Variants in BLOC1S3 observed in about 807,000 individuals in gnomAD.
BLOC1S3 encodes biogenesis of lysosomal organelles complex 1 subunit 3, also known as biogenesis of lysosome-related organelles complex 1 subunit 3.
In BLOC1S3, 7 loss-of-function variants were observed where a neutral mutation model predicts 9.1. The observed-to-expected ratio is 0.77, with a 90% CI of 0.44 to 1.45. The LOEUF (loss-of-function observed/expected upper bound fraction) is 1.45, where lower values mean the gene tolerates loss of function less well. Ranked by LOEUF, BLOC1S3 falls within the 40% of genes most tolerant of loss-of-function variation. The pLI is 0.01. For missense variants in BLOC1S3, 307 were observed against 315.2 expected (o/e 0.97, Z 0.20); for synonymous variants, 145 against 158.4 (o/e 0.92, Z 0.64).
At chr19:45,208,998 GGAGT>G (rs1200494508) in intron 3 of BLOC1S3, among the ~76,000 whole-genome samples, 7 of 152,144 alleles carry the variant, frequency 4.6e-5, no homozygotes, top group African/African-American at 1.7e-4. Flanking sequence ...TCAGTTAGGA[GGAGT>G]AAGTTCAGGA....
downstream of BLOC1S3, among the ~76,000 whole-genome samples, chr19:45,183,962 G>A (rs868238500): frequency 6.6e-6 from 1 of 152,052 alleles, no homozygotes; most frequent in African/African-American, 2.4e-5. Context: ...TGAGTTTAGC[G>A]AGAGTCCCTG....
chr19:45,185,991 T>G (rs1254341620), downstream of BLOC1S3, among the ~76,000 whole-genome samples: 1 of 152,088 alleles, frequency 6.6e-6, no homozygotes, highest in African/African-American at 2.4e-5. Flanking sequence ...TGTGCACCTG[T>G]AATTCCAGCT....
At chr19:45,213,364 G>C in intron 3 of BLOC1S3, 7 of 1,612,824 alleles carry the variant, frequency 4.3e-6, no homozygotes, top group Non-Finnish European at 5.9e-6. Context: ...CTGCCTGTGG[G>C]GAGAGGAACA....
At chr19:45,205,297 C>T (rs886931449) in intron 3 of BLOC1S3, among the ~76,000 whole-genome samples, 8 of 152,044 alleles carry the variant, frequency 5.3e-5, no homozygotes, top group Admixed American at 5.3e-4. Context: ...TCCCAAGTAG[C>T]TGGGATTACA....
downstream of BLOC1S3, among the ~76,000 whole-genome samples, chr19:45,184,903 CAAAAAAAAAAAAAAA>C (rs71338752): frequency 4.1e-5 from 2 of 48,284 alleles, no homozygotes; most frequent in African/African-American, 7.1e-5. Flanking sequence ...CTGTCTCAAA[CAAAAAAAAAAAAAAA>C]AAAAAAAAAA....
chr19:45,209,881 G>A (rs1433829163), intron 3 of BLOC1S3, among the ~76,000 whole-genome samples: 6 of 151,228 alleles, frequency 4.0e-5, no homozygotes, highest in Non-Finnish European at 8.8e-5. Context: ...ATAGGCATGC[G>A]CCACCACGCC....
downstream of BLOC1S3, among the ~76,000 whole-genome samples, chr19:45,182,528 GT>G (rs1423081644): frequency 6.6e-6 from 1 of 152,074 alleles, no homozygotes; most frequent in Non-Finnish European, 1.5e-5. Flanking sequence ...GCCAGGCGTG[GT>G]GGCACATGCC....
intron 3 of BLOC1S3, among the ~76,000 whole-genome samples, chr19:45,203,678 T>C (rs770804756): frequency 3.3e-5 from 5 of 152,168 alleles, no homozygotes; most frequent in East Asian, 1.9e-4. Flanking sequence ...CTAATGATCA[T>C]TTAAATGCTC....
At chr19:45,198,786 G>C (rs942232691) in intron 2 of BLOC1S3, 1 of 152,180 alleles carries the variant, frequency 6.6e-6, no homozygotes, top group Non-Finnish European at 1.5e-5. Flanking sequence ...GCACCTCCCA[G>C]GTTCAAGCGA....
chr19:45,214,374 G>A (rs976765392), intron 3 of BLOC1S3, among the ~76,000 whole-genome samples: 153 of 152,266 alleles, frequency 1.0e-3, no homozygotes, highest in African/African-American at 3.5e-3. Context: ...GCGTTGCTCC[G>A]GCAGCCACCA....
intron 2 of BLOC1S3, among the ~76,000 whole-genome samples, chr19:45,199,531 G>T (rs550245630): frequency 6.6e-6 from 1 of 151,848 alleles, no homozygotes; most frequent in African/African-American, 2.4e-5. Flanking sequence ...GGCCAGGATG[G>T]TCTCAAACTC....
At position 45,208,035 on chromosome 19, in the gene BLOC1S3, C is replaced by T. The variant is rs149937429; in HGVS notation, n.282+5528C>T. 9.2e-3 allele frequency among the ~76,000 whole-genome samples: 1,376 copies of T among 150,250 alleles called. 14 individuals carry two copies. Among genetic ancestry groups the T allele is most frequent in the Non-Finnish European group, 0.012 (807 of 67,712 alleles). Reference sequence around the variant, plus strand: ...TGTCACCCAGGCTGGAGTGCAGTGGCGAAATCTTGGCTCATCGCAACCTCT... The same window carrying T: ...TGTCACCCAGGCTGGAGTGCAGTGGTGAAATCTTGGCTCATCGCAACCTCT... On this transcript the variant is annotated intron_variant and non_coding_transcript_variant, in intron 3 of 3. Transcript: ENST00000591569.
chr19:45,202,065 C>T (rs2627645), intron 2 of BLOC1S3, among the ~76,000 whole-genome samples: 1 of 151,702 alleles, frequency 6.6e-6, no homozygotes, highest in Non-Finnish European at 1.5e-5. Flanking sequence ...CTACTAAAAA[C>T]TACAAAAAAT....
intron 2 of BLOC1S3, among the ~76,000 whole-genome samples, chr19:45,196,856 G>A (rs1200242348): frequency 1.3e-5 from 2 of 151,244 alleles, no homozygotes; most frequent in Non-Finnish European, 2.9e-5. Flanking sequence ...AGCCGAGATG[G>A]GGCCACTGCA....
intron 2 of BLOC1S3, among the ~76,000 whole-genome samples, chr19:45,201,933 G>T (rs2627646): frequency 9.3e-4 from 141 of 152,046 alleles, no homozygotes; most frequent in Non-Finnish European, 1.6e-3. Flanking sequence ...CATGTAAGAC[G>T]TGCCTTTTGG....
At chr19:45,183,306 C>A (rs1287179023), downstream of BLOC1S3, among the ~76,000 whole-genome samples, 1 of 151,912 alleles carries the variant, frequency 6.6e-6, no homozygotes, top group African/African-American at 2.4e-5. Context: ...GTGGTGAAAC[C>A]CTGTCTCTAC....
rs71173123 is a variant in BLOC1S3 at position 45,193,132 on chromosome 19, CAAAAAAAAAA to C, written n.180+5411_180+5420del. Among the ~76,000 whole-genome samples the C allele has an allele frequency of 7.4e-3, 578 of 77,952 alleles. 7 individuals carry two copies. Among genetic ancestry groups the C allele is most frequent in the African/African-American group, 0.02 (524 of 25,870 alleles). 51.1% of individuals were successfully genotyped at this position (77,952 alleles called of 152,430 possible). ...GGGCAACAAGAGCAAAACTCCGTCT[CAAAAAAAAAA>C]AAAAAAAAAAAAAAAAAAGAGACTA... is the stretch of plus-strand genomic sequence containing the variant. On this transcript the variant is annotated intron_variant and non_coding_transcript_variant, in intron 2 of 3. Transcript: ENST00000591569.
intron 3 of BLOC1S3, among the ~76,000 whole-genome samples, chr19:45,207,195 C>T (rs1261140360): frequency 1.3e-5 from 2 of 151,366 alleles, no homozygotes; most frequent in South Asian, 2.1e-4. Context: ...TGCAGTGGCA[C>T]GATATCGGCT....
chr19:45,200,880 C>A (rs919578999), intron 2 of BLOC1S3, among the ~76,000 whole-genome samples: 3 of 152,194 alleles, frequency 2.0e-5, no homozygotes, highest in Non-Finnish European at 4.4e-5. Flanking sequence ...GCACCCCAGG[C>A]TCAGTAATGC....
Sources: allele counts gnomAD v4.1 joint callset (sites outside exome capture counted in the v4.1 genomes callset), GRCh38; gene constraint gnomAD v4.1.1; transcripts MANE v1.5; gene names NCBI Gene and HGNC (gene_info 2026-07-23, HGNC 2026-07-21).